Variants in SYN3 observed in about 807,000 individuals in gnomAD.
SYN3 encodes synapsin-3.
Under a neutral mutation model 65.8 loss-of-function variants are expected in SYN3, and 35 were observed. That is an observed-to-expected ratio of 0.53 (90% CI 0.41 to 0.70). The LOEUF (loss-of-function observed/expected upper bound fraction) is 0.70, where lower values mean the gene tolerates loss of function less well. Among genes scored for constraint, SYN3 ranks in the 30% least tolerant of loss-of-function variants. SYN3 has a pLI of 0.00. For synonymous variants in SYN3, 270 were observed against 292.9 expected (o/e 0.92, Z 0.80); for missense variants, 680 against 749.0 (o/e 0.91, Z 1.08).
At chr22:32,641,106 A>G (rs975312201) in intron 6 of SYN3, among the ~76,000 whole-genome samples, 1 of 152,186 alleles carries the variant, frequency 6.6e-6, no homozygotes, top group Non-Finnish European at 1.5e-5. Context: ...GTCCCATGGC[A>G]TCATCATATA....
rs140839121 is a variant in SYN3 at position 32,602,438 on chromosome 22, TTTTTG to T, written c.712-5707_712-5703del. 3.8e-4 allele frequency among the ~76,000 whole-genome samples: 57 copies of T among 151,222 alleles called. No homozygotes were observed. The East Asian group carries it at 8.7e-3, about 23-fold the overall frequency. ...ATAAAGATAGTTCTATCCCGATAGT[TTTTTG>T]TTTTGTTTTGTTTTGTTTGTTTGTT... is the stretch of plus-strand genomic sequence containing the variant. On this transcript the variant is annotated intron_variant, in intron 6 of 13. Transcript: ENST00000358763.
At chr22:32,832,003 T>C (rs537356171) in intron 6 of SYN3, among the ~76,000 whole-genome samples, 6 of 152,286 alleles carry the variant, frequency 3.9e-5, no homozygotes, top group African/African-American at 1.4e-4. Context: ...AGATCAGCAA[T>C]GTCCCACTAG....
intron 3 of SYN3, among the ~76,000 whole-genome samples, chr22:32,945,493 G>C (rs1482478602): frequency 1.3e-5 from 2 of 152,200 alleles, no homozygotes; most frequent in Non-Finnish European, 2.9e-5. Context: ...GCCATATGTA[G>C]AAAGCTGAAA....
intron 1 of SYN3, among the ~76,000 whole-genome samples, chr22:33,008,922 CTCAAAAAAAAAAAAAAAAAA>C (rs2053268227): frequency 4.8e-5 from 1 of 20,650 alleles, no homozygotes; most frequent in African/African-American, 1.9e-4. Flanking sequence ...AAGACTTTAT[CTCAAAAAAAAAAAAAAAAAA>C]AAAAAAAAAA....
chr22:33,011,646 T>C (rs192947433), intron 1 of SYN3, among the ~76,000 whole-genome samples: 41 of 152,310 alleles, frequency 2.7e-4, no homozygotes, highest in African/African-American at 9.6e-4. Flanking sequence ...CTGTGTAATA[T>C]TGTGTTTTTT....
intron 10 of SYN3, 176 bp from the exon 11 acceptor site, chr22:32,529,184 G>A (rs1411669840): frequency 7.0e-6 from 5 of 712,266 alleles, no homozygotes; most frequent in Non-Finnish European, 1.2e-5. Flanking sequence ...AGTTCCCTTC[G>A]GTTCAGTCTA....
At chr22:32,605,623 T>C (rs2059361982) in intron 6 of SYN3, among the ~76,000 whole-genome samples, 1 of 152,300 alleles carries the variant, frequency 6.6e-6, no homozygotes, top group East Asian at 1.9e-4. Flanking sequence ...TGGCCTAAGA[T>C]CACTCAGCAA....
chr22:32,707,236 T>C (rs2060892194), intron 6 of SYN3, among the ~76,000 whole-genome samples: 5 of 152,184 alleles, frequency 3.3e-5, no homozygotes, highest in Admixed American at 3.3e-4. Context: ...AGAGGATACA[T>C]GAGCGGATGT....
chr22:32,530,800 T>G (rs887893187), intron 10 of SYN3, among the ~76,000 whole-genome samples: 3 of 151,870 alleles, frequency 2.0e-5, no homozygotes, highest in East Asian at 1.9e-4. Flanking sequence ...GTCAGGAGAT[T>G]GAGACCATCC....
At chr22:32,719,976 T>C (rs893356186) in intron 6 of SYN3, among the ~76,000 whole-genome samples, 1 of 152,222 alleles carries the variant, frequency 6.6e-6, no homozygotes, top group Non-Finnish European at 1.5e-5. Context: ...TTGAGTCTGC[T>C]GACAATTGGA....
At chr22:32,603,814 T>C (rs2059323342) in intron 6 of SYN3, among the ~76,000 whole-genome samples, 1 of 152,224 alleles carries the variant, frequency 6.6e-6, no homozygotes, top group South Asian at 2.1e-4. Flanking sequence ...CATCAGCCTC[T>C]CACAGGCTCC....
At chr22:32,625,838 G>C (rs1171893039) in intron 6 of SYN3, among the ~76,000 whole-genome samples, 1 of 152,216 alleles carries the variant, frequency 6.6e-6, no homozygotes, top group Non-Finnish European at 1.5e-5. Context: ...ATTCAAGCAA[G>C]AGCAAGACAC....
intron 3 of SYN3, among the ~76,000 whole-genome samples, chr22:32,969,685 C>G (rs749406288): frequency 2.0e-5 from 3 of 152,182 alleles, no homozygotes; most frequent in Admixed American, 1.3e-4. Flanking sequence ...CCTCTCTGAA[C>G]CTTTCAGCTG....
At chr22:32,759,151 C>A (rs1307147100) in intron 6 of SYN3, among the ~76,000 whole-genome samples, 1 of 152,140 alleles carries the variant, frequency 6.6e-6, no homozygotes, top group African/African-American at 2.4e-5. Flanking sequence ...GTGGAAGGAG[C>A]CCCAGAATTA....
At chr22:32,528,632 C>A (rs576037304) in intron 11 of SYN3, among the ~76,000 whole-genome samples, 1 of 152,332 alleles carries the variant, frequency 6.6e-6, no homozygotes, top group South Asian at 2.1e-4. Flanking sequence ...CCATTTGAGA[C>A]AAGATTGTTC....
At chr22:32,681,426 C>T (rs1601903704) in intron 6 of SYN3, among the ~76,000 whole-genome samples, 2 of 152,198 alleles carry the variant, frequency 1.3e-5, no homozygotes, top group Admixed American at 1.3e-4. Context: ...TACCTTGTGC[C>T]TGGATTTGTT....
intron 7 of SYN3, among the ~76,000 whole-genome samples, chr22:32,589,384 G>A (rs2059097635): frequency 6.6e-6 from 1 of 152,164 alleles, no homozygotes; most frequent in Non-Finnish European, 1.5e-5. Context: ...GGCTGGTCAG[G>A]CGACTAATGA....
At chr22:32,767,921 T>C (rs956979098) in intron 6 of SYN3, among the ~76,000 whole-genome samples, 2 of 152,232 alleles carry the variant, frequency 1.3e-5, no homozygotes, top group Non-Finnish European at 2.9e-5. Context: ...CTAGACTCAA[T>C]TGCTTCTTCA....
chr22:32,617,964 T>G (rs2059543391), intron 6 of SYN3, among the ~76,000 whole-genome samples: 1 of 152,114 alleles, frequency 6.6e-6, no homozygotes, highest in Non-Finnish European at 1.5e-5. Context: ...CTTATCACAA[T>G]AAGTAATTCC....
Sources: gnomAD v4.1 joint callset for allele counts (sites outside exome capture counted in the v4.1 genomes callset) on GRCh38, gnomAD v4.1.1 for gene constraint, MANE v1.5 for transcripts, NCBI Gene and HGNC (gene_info 2026-07-23, HGNC 2026-07-21) for gene names.